Variants in DACH2 observed in about 807,000 individuals in gnomAD.
DACH2 encodes the protein dachshund homolog 2.
DACH2 carries 17 observed loss-of-function variants against 35.8 expected under a neutral mutation model. The observed-to-expected ratio is 0.48, with a 90% CI of 0.33 to 0.71. The LOEUF (loss-of-function observed/expected upper bound fraction) is 0.71. Ranked by LOEUF, DACH2 falls within the 30% of genes least tolerant of loss-of-function variation. The pLI, the probability that DACH2 is intolerant of heterozygous loss-of-function variation, is 0.02. For synonymous variants in DACH2, 195 were observed against 177.3 expected (o/e 1.10, Z -0.79); for missense variants, 469 against 472.7 (o/e 0.99, Z 0.07).
chrX:86,335,162 C>A (rs183437955), intron 1 of DACH2, among the ~76,000 whole-genome samples: 1 of 111,734 alleles, frequency 8.9e-6, no homozygotes, highest in East Asian at 2.8e-4. Flanking sequence ...GTTACTGTAG[C>A]CTTGTAGTAA....
At chrX:86,741,887 G>T (rs1429446192) in intron 7 of DACH2, among the ~76,000 whole-genome samples, 1 of 111,216 alleles carries the variant, frequency 9.0e-6, no homozygotes, top group Non-Finnish European at 1.9e-5. Context: ...TTAGACAGTA[G>T]CTAACATGTA....
intron 4 of DACH2, among the ~76,000 whole-genome samples, chrX:86,679,610 C>G (rs900589490): frequency 3.3e-5 from 3 of 89,794 alleles, no homozygotes; most frequent in African/African-American, 8.6e-5. Context: ...CTCTCTCTCT[C>G]TGTCTCTGTG....
intron 2 of DACH2, among the ~76,000 whole-genome samples, chrX:86,507,368 G>A (rs1252905315): frequency 1.9e-5 from 2 of 106,004 alleles, no homozygotes; most frequent in Non-Finnish European, 3.8e-5. Context: ...TTGGCTAGTT[G>A]CAATAGTATC....
chrX:86,698,514 G>GTTTTTTTTTTTTTTTTTTTTTTT lies in DACH2; in HGVS notation c.931+3339_931+3340insTTTTTTTTTTTTTTTTTTTTTTT, dbSNP rs1345238527. 1.2e-4 allele frequency among the ~76,000 whole-genome samples: 4 copies of GTTTTTTTTTTTTTTTTTTTTTTT among 34,343 alleles called. 1 individual carries two copies. The highest frequency in any genetic ancestry group is 2.5e-4 in the African/African-American group (2 of 8,131). The allele number at this position is 34,343 out of a possible 115,157, so 29.8% of individuals were successfully genotyped here. On this transcript the variant is annotated intron_variant, in intron 5 of 11. Coordinates refer to ENST00000373125, the MANE Select transcript of DACH2 (RefSeq NM_053281.3). ...TTAATTTCTTCTTTTTGTTTTGTTA[G>GTTTTTTTTTTTTTTTTTTTTTTT]TTTTGTGTTTTTTTTTTTTTTTTTT...
chrX:86,238,621 A>G (rs1021410304), intron 1 of DACH2, among the ~76,000 whole-genome samples: 1 of 111,148 alleles, frequency 9.0e-6, no homozygotes, highest in South Asian at 3.7e-4. Context: ...CAACATTCAA[A>G]TGGTGTTTAA....
intron 1 of DACH2, among the ~76,000 whole-genome samples, chrX:86,205,913 C>T (rs1236830429): frequency 9.0e-6 from 1 of 110,964 alleles, no homozygotes; most frequent in Admixed American, 9.7e-5. Context: ...GAGTTATAAC[C>T]TATTACCTAC....
chrX:86,247,389 G>A (rs2033307695), intron 1 of DACH2, among the ~76,000 whole-genome samples: 1 of 110,292 alleles, frequency 9.1e-6, no homozygotes. Context: ...TACTGAAGAA[G>A]AAAAAAAGAG....
intron 3 of DACH2, among the ~76,000 whole-genome samples, chrX:86,606,641 T>C (rs150307253): frequency 0.04 from 4,423 of 111,245 alleles, 218 homozygotes; most frequent in African/African-American, 0.14. Context: ...GAGTGATCCA[T>C]GTGCTGAGCA....
chrX:86,627,631 C>A (rs907181558), intron 3 of DACH2, among the ~76,000 whole-genome samples: 1 of 111,707 alleles, frequency 9.0e-6, no homozygotes, highest in Non-Finnish European at 1.9e-5. Flanking sequence ...CATTTCTTTA[C>A]ATATTATTCA....
intron 2 of DACH2, among the ~76,000 whole-genome samples, chrX:86,420,607 G>A (rs957573313): frequency 9.0e-6 from 1 of 110,901 alleles, no homozygotes; most frequent in Non-Finnish European, 1.9e-5. Context: ...TTACTTTTAC[G>A]GTATAATTAC....
At chrX:86,755,786 A>T (rs2041822511) in intron 7 of DACH2, among the ~76,000 whole-genome samples, 1 of 108,294 alleles carries the variant, frequency 9.2e-6, no homozygotes, top group African/African-American at 3.4e-5. Context: ...TTTAGTAGAG[A>T]TGGGGTTTCA....
At chrX:86,623,845 C>T (rs954513932) in intron 3 of DACH2, among the ~76,000 whole-genome samples, 1 of 96,062 alleles carries the variant, frequency 1.0e-5, no homozygotes, top group Non-Finnish European at 2.2e-5. Flanking sequence ...GTCAGGAGAT[C>T]GAGACCATCC....
At chrX:86,165,113 G>A (rs1283903470) in intron 1 of DACH2, among the ~76,000 whole-genome samples, 1 of 110,160 alleles carries the variant, frequency 9.1e-6, no homozygotes, top group Non-Finnish European at 1.9e-5. Flanking sequence ...TTTTTTTTGA[G>A]CAGTGTTTTC....
At chrX:86,188,680 G>A (rs1226617241) in intron 1 of DACH2, among the ~76,000 whole-genome samples, 1 of 111,900 alleles carries the variant, frequency 8.9e-6, no homozygotes, top group Non-Finnish European at 1.9e-5. Flanking sequence ...ATGTGACAAT[G>A]GAAGCAAGAG....
At position 86,291,894 on chromosome X, in the gene DACH2, G is replaced by T. The variant is rs1157041600; in HGVS notation, c.489-84930G>T. 3.1e-5 allele frequency among the ~76,000 whole-genome samples: 2 copies of T among 64,293 alleles called. 1 individual carries two copies. The highest frequency in any genetic ancestry group is 5.5e-5 in the Non-Finnish European group (2 of 36,669). 55.8% of individuals were successfully genotyped at this position (64,293 alleles called of 115,157 possible). ...TATTGGTCTAAAATTCTCTTTTTTG[G>T]TTGTGTCTCTGCCCAGCTTTGGTAT... On this transcript the variant is annotated intron_variant, in intron 1 of 11. Coordinates refer to ENST00000373125, the MANE Select transcript of DACH2 (RefSeq NM_053281.3).
chrX:86,734,891 A>G (rs2041579026), intron 6 of DACH2, among the ~76,000 whole-genome samples: 1 of 112,026 alleles, frequency 8.9e-6, no homozygotes, highest in South Asian at 3.6e-4. Flanking sequence ...TCAATTAAAT[A>G]TGAAATATCA....
chrX:86,548,028 G>A (rs889495046), intron 3 of DACH2, among the ~76,000 whole-genome samples: 4 of 112,156 alleles, frequency 3.6e-5, no homozygotes, highest in Non-Finnish European at 7.5e-5. Context: ...ATTATTGAGT[G>A]GCAAAACTAA....
rs776589727 is a variant in DACH2, at chrX:86,716,986, C to G, written c.1104+2266C>G. Among the ~76,000 whole-genome samples the G allele has an allele frequency of 4.5e-5, 5 of 111,855 alleles. No individual in the cohort carries two copies. The South Asian group carries it at 1.9e-3, about 42-fold the overall frequency. ...TTATGTCCTGCCAAATACACAAATA[C>G]ACAGAAACCATTTTATGCTAAAGAG... On this transcript the variant is annotated intron_variant, in intron 6 of 11. Coordinates refer to ENST00000373125, the MANE Select transcript of DACH2 (RefSeq NM_053281.3).
chrX:86,814,132 G>C (rs923360427), intron 9 of DACH2, among the ~76,000 whole-genome samples: 4 of 110,180 alleles, frequency 3.6e-5, no homozygotes, highest in African/African-American at 1.3e-4. Context: ...GAGAGAGGCA[G>C]AGAGAGAGAG....
Sources: allele counts gnomAD v4.1 joint callset (sites outside exome capture counted in the v4.1 genomes callset), GRCh38; gene constraint gnomAD v4.1.1; transcripts MANE v1.5; gene names NCBI Gene and HGNC (gene_info 2026-07-23, HGNC 2026-07-21).